FMNL1: variants seen among roughly 807,000 people sequenced by gnomAD.
FMNL1 encodes formin-like protein 1.
In FMNL1, 43 loss-of-function variants were observed where a neutral mutation model predicts 121.3. The observed-to-expected ratio is 0.35, with a 90% confidence interval of 0.28 to 0.46. The LOEUF is 0.46. Among genes scored for constraint, FMNL1 ranks in the 20% least tolerant of loss-of-function variants. The probability of loss-of-function intolerance (pLI) is 1.00; values close to 1 mark genes in which losing one functional copy is unlikely to be tolerated. For synonymous variants in FMNL1, 613 were observed against 613.5 expected, an observed-to-expected ratio of 1.00 and a Z score of 0.01; for missense variants, 1,191 against 1,482.4, an observed-to-expected ratio of 0.80 and a Z score of 3.23.
At chr17:45,232,751 A>G (rs2043465451) in intron 3 of FMNL1, 1 of 597,666 alleles carries the variant, frequency 1.7e-6, no homozygotes, top group Admixed American at 2.2e-5. Context: ...CCATATGTCC[A>G]TACATAGGTG....
At position 45,240,428 on chromosome 17, in the gene FMNL1, C is replaced by G. The variant is rs200111293; in HGVS notation, c.1081-48C>G. 3.3e-4 allele frequency: 501 copies of G among 1,540,644 alleles called. 1 individual carries two copies. In the African/African-American group the frequency reaches 6.1e-3, roughly 19 times the overall value. ...GGGGGGTGGTTTGGAAAGACTCCCC[C>G]CCACACACACACCAGGCCTCACCCC... is the stretch of plus-strand genomic sequence containing the variant. On this transcript the variant is annotated intron_variant, in intron 11 of 26. Coordinates refer to ENST00000331495, the MANE Select transcript of FMNL1 (RefSeq NM_005892.4).
chr17:45,224,905 C>T (rs1036681007), intron 1 of FMNL1, among the ~76,000 whole-genome samples: 1 of 152,264 alleles, frequency 6.6e-6, no homozygotes, highest in African/African-American at 2.4e-5. Flanking sequence ...GCTCTCGCCT[C>T]TCCTACGCCC....
At position 45,246,225 on chromosome 17, in the gene FMNL1, C is replaced by G. The variant is rs750761402; in HGVS notation, c.3106C>G (p.Arg1036Gly). 6.2e-7 allele frequency: 1 copy of G among 1,608,950 alleles called. No individual in the cohort carries two copies. Among genetic ancestry groups the G allele is most frequent in the Non-Finnish European group, 8.5e-7 (1 of 1,175,832 alleles). The stretch of plus-strand genomic sequence containing the variant: ...TTCCCCCTAGTCACCGCCAAAGGCC[C>G]GGCGGCCACAGATGGACCTCATCTC... The part of the protein sequence containing the change: ...PPAPKSPPKA[R>G]RPQMDLISEL... Residue 1036 changes from arginine (R) to glycine (G), a missense_variant, in exon 25 of 27, where the codon CGG becomes GGG. This residue lies in a region of FMNL1 where 367 missense variants were observed against 528.6 expected (regional missense o/e 0.69). Transcript: ENST00000331495.
chr17:45,230,536 A>G, intron 1 of FMNL1, 68 bp from the exon 2 acceptor site: 2 of 1,499,068 alleles, frequency 1.3e-6, no homozygotes, highest in Non-Finnish European at 1.8e-6. Flanking sequence ...TTTCCCCCAA[A>G]TGCCCATTCT....
At chr17:45,223,885 A>T (rs2043280104) in intron 1 of FMNL1, among the ~76,000 whole-genome samples, 1 of 152,164 alleles carries the variant, frequency 6.6e-6, no homozygotes, top group African/African-American at 2.4e-5. Flanking sequence ...ACCAGGGGAA[A>T]ATCCACAAGT....
chr17:45,246,201 T>C lies in FMNL1; in HGVS notation c.3091-9T>C. On this transcript the variant is annotated splice_polypyrimidine_tract_variant and intron_variant, in intron 24 of 26. Coordinates refer to ENST00000331495, the MANE Select transcript of FMNL1 (RefSeq NM_005892.4). Reference sequence around the variant, plus strand: ...GCATCCTGGAGCTGGAGCTATAAATTCCCCCTAGTCACCGCCAAAGGCCCG... The same window carrying C: ...GCATCCTGGAGCTGGAGCTATAAATCCCCCCTAGTCACCGCCAAAGGCCCG... 1.9e-6 allele frequency: 3 copies of C among 1,600,552 alleles called. No individual in the cohort carries two copies. Among genetic ancestry groups the C allele is most frequent in the Non-Finnish European group, 2.6e-6 (3 of 1,170,544 alleles).
rs377201266 is a variant in FMNL1, at chr17:45,231,651, C to T, written c.214-716C>T. On this transcript the variant is annotated intron_variant, in intron 2 of 26. Transcript: ENST00000331495. The surrounding 1 kb of genome is among the most constrained non-coding windows in gnomAD (Gnocchi z 4.7). ...GGAGGGGTCTTTGCCGTGGTCCCTG[C>T]CTCTTTGTGTGAGTGGCCGCTGGAG... is the stretch of plus-strand genomic sequence containing the variant. Among the ~76,000 whole-genome samples the T allele has an allele frequency of 1.1e-3, 170 of 152,146 alleles. 4 individuals are homozygous for T. Among genetic ancestry groups the T allele is most frequent in the African/African-American group, 3.9e-3 (163 of 41,478 alleles).
intron 1 of FMNL1, among the ~76,000 whole-genome samples, chr17:45,227,299 A>G (rs748806175): frequency 2.6e-5 from 4 of 152,004 alleles, no homozygotes; most frequent in Non-Finnish European, 5.9e-5. Flanking sequence ...CAGCCCCTTC[A>G]GCCTCCTGGG....
At chr17:45,245,846 G>A in intron 23 of FMNL1, 32 bp from the exon 24 acceptor site, 11 of 1,599,302 alleles carry the variant, frequency 6.9e-6, no homozygotes, top group Non-Finnish European at 9.4e-6. Context: ...AGTAGGGAGG[G>A]CCACCCTCAT....
chr17:45,234,354 C>A, intron 6 of FMNL1, 154 bp downstream of exon 6: 1 of 1,325,482 alleles, frequency 7.5e-7, no homozygotes, highest in Non-Finnish European at 1.0e-6. Context: ...GTTTGGGACA[C>A]CAGTATGTTA....
intron 24 of FMNL1, 111 bp downstream of exon 24, chr17:45,246,084 A>T (rs1181657175): frequency 7.2e-6 from 11 of 1,523,434 alleles, no homozygotes; most frequent in Non-Finnish European, 9.7e-6. Flanking sequence ...CTGCCCCAGG[A>T]GCCTGGGATG....
chr17:45,240,043 A>G (rs2043648041), intron 11 of FMNL1, among the ~76,000 whole-genome samples: 1 of 152,216 alleles, frequency 6.6e-6, no homozygotes, highest in Non-Finnish European at 1.5e-5. Context: ...CGTCTGCCTC[A>G]GCCTCCCACA....
In FMNL1 at chr17:45,234,183, C is replaced by T. The variant is rs1315292219; in HGVS notation, c.597C>T (p.Ser199=). The T allele has an allele frequency of 1.2e-6, 2 of 1,614,124 alleles. No individual in the cohort carries two copies. Among genetic ancestry groups the T allele is most frequent in the East Asian group, 4.5e-5 (2 of 44,878 alleles). ...SKGPPSSVPK[S]RHLTIKLTPA... ...GTCCACCCTCCTCCGTGCCCAAAAG[C>T]CGCCACCTGACCATCAAGTATGTGG... The change falls in exon 6 of 27, where the codon AGC becomes AGT. Residue 199 remains serine, a synonymous_variant. Coordinates refer to ENST00000331495, the MANE Select transcript of FMNL1 (RefSeq NM_005892.4).
chr17:45,245,240 ATCCCTGGCCCAGTG>A lies in FMNL1; in HGVS notation c.2729-5_2737del. The A allele has an allele frequency of 6.2e-7, 1 of 1,614,138 alleles. No individual in the cohort carries two copies. The highest frequency in any genetic ancestry group is 8.5e-7 in the Non-Finnish European group (1 of 1,180,024). On this transcript the variant is annotated splice_acceptor_variant and splice_polypyrimidine_tract_variant and coding_sequence_variant and intron_variant, in exon 22 of 27. Coordinates refer to ENST00000331495, the MANE Select transcript of FMNL1 (RefSeq NM_005892.4). LOFTEE classifies it high-confidence loss of function. ...CGATTCACTGACCTGATACTGCCCC[ATCCCTGGCCCAGTG>A]TCCCTGGACAGTGTCCTGGCGGACG...
At position 45,242,343 on chromosome 17, in the gene FMNL1, G is replaced by A. The variant is rs766367035; in HGVS notation, c.1888G>A (p.Val630Met). 5 of 1,613,948 alleles carry A rather than the reference G, an allele frequency of 3.1e-6. No homozygotes were observed. Among genetic ancestry groups the A allele is most frequent in the Non-Finnish European group, 4.2e-6 (5 of 1,179,840 alleles). The change falls in exon 16 of 27, where the codon GTG becomes ATG. Residue 630 changes from valine to methionine, a missense_variant and splice_region_variant. Physicochemically the swap from Val to Met is conservative, Grantham distance 21. Around this residue, in one of 4 missense-constraint regions of FMNL1, gnomAD observed 519 missense variants for 492.8 expected, o/e 1.05. Coordinates refer to ENST00000331495, the MANE Select transcript of FMNL1 (RefSeq NM_005892.4). ...CTGCCCCCAAACCCCCGTCCCAGGAGTGAAGGCCAAGAAGCCCATCCAGAC... is the reference window on the plus strand; with the variant it reads ...CTGCCCCCAAACCCCCGTCCCAGGAATGAAGGCCAAGAAGCCCATCCAGAC... ...GRRDSELGPGVKAKKPIQTKF... is the reference protein window; with the variant it reads ...GRRDSELGPGMKAKKPIQTKF...
intron 6 of FMNL1, among the ~76,000 whole-genome samples, chr17:45,235,616 A>G (rs1331101681): frequency 6.6e-6 from 1 of 152,230 alleles, no homozygotes; most frequent in Non-Finnish European, 1.5e-5. Context: ...GTACAGTCAT[A>G]TAGCACTTAC....
intron 6 of FMNL1, 75 bp from the exon 7 acceptor site, chr17:45,236,061 C>G (rs1555629921): frequency 5.6e-6 from 7 of 1,259,756 alleles, no homozygotes. Flanking sequence ...CCTCTTACCC[C>G]AGAGGCTGAG....
At chr17:45,246,174 AG>A (rs1033369769) in intron 24 of FMNL1, 35 bp from the exon 25 acceptor site, 13 of 1,583,272 alleles carry the variant, frequency 8.2e-6, no homozygotes, top group Non-Finnish European at 8.6e-7. Flanking sequence ...GGTGATGGGG[AG>A]GCATCCTGGA....
At chr17:45,236,486 C>T in intron 7 of FMNL1, 1 of 431,326 alleles carries the variant, frequency 2.3e-6, no homozygotes, top group Non-Finnish European at 4.2e-6. Flanking sequence ...ATGAAGGAGC[C>T]TCACATAGGG....
Sources: allele counts gnomAD v4.1 joint callset (sites outside exome capture counted in the v4.1 genomes callset), GRCh38; gene constraint gnomAD v4.1.1; regional missense constraint gnomAD v4.1.1; non-coding constraint Gnocchi (gnomAD v3.1); transcripts MANE v1.5; gene names NCBI Gene and HGNC (gene_info 2026-07-23, HGNC 2026-07-21).